The following MAN1A1 variants were observed in gnomAD, a reference collection of about 807,000 sequenced individuals.
MAN1A1 encodes the protein mannosyl-oligosaccharide 1,2-alpha-mannosidase IA.
A neutral mutation model predicts 70.8 loss-of-function variants in MAN1A1; 29 were observed. The observed-to-expected ratio is 0.41, with a 90% CI of 0.31 to 0.56. MAN1A1 has a LOEUF of 0.56. MAN1A1 is among the 20% of genes least tolerant of loss of function. The pLI, the probability that MAN1A1 is intolerant of heterozygous loss-of-function variation, is 0.29. For synonymous variants in MAN1A1, 349 were observed against 330.1 expected (o/e 1.06, Z -0.62); for missense variants, 747 against 841.3 (o/e 0.89, Z 1.39).
chr6:119,233,784 T>C (rs1396230626), intron 6 of MAN1A1, among the ~76,000 whole-genome samples: 1 of 152,210 alleles, frequency 6.6e-6, no homozygotes, highest in African/African-American at 2.4e-5. Context: ...CAATAAGAAG[T>C]TGGCAATGGG....
chr6:119,193,713 C>T, intron 9 of MAN1A1, 64 bp downstream of exon 9: 2 of 1,128,320 alleles, frequency 1.8e-6, no homozygotes, highest in Non-Finnish European at 2.6e-6. Context: ...TTCATTAAAA[C>T]TTGATTAATA....
intron 5 of MAN1A1, among the ~76,000 whole-genome samples, chr6:119,268,086 G>C (rs1258065884): frequency 1.3e-5 from 2 of 152,304 alleles, no homozygotes; most frequent in East Asian, 3.9e-4. Context: ...GCAGCTGTTG[G>C]TGACCATGGT....
intron 5 of MAN1A1, among the ~76,000 whole-genome samples, chr6:119,265,085 T>G (rs1775715145): frequency 7.2e-6 from 1 of 138,310 alleles, no homozygotes; most frequent in Non-Finnish European, 1.5e-5. Context: ...TGGACTTCTT[T>G]TAAGTGCCTT....
At chr6:119,273,617 T>C (rs939248769) in intron 5 of MAN1A1, among the ~76,000 whole-genome samples, 4 of 152,210 alleles carry the variant, frequency 2.6e-5, no homozygotes, top group Admixed American at 6.5e-5. Flanking sequence ...TTGGATAGAT[T>C]CCCCAATGCA....
At chr6:119,312,684 A>C in intron 2 of MAN1A1, among the ~76,000 whole-genome samples, 1 of 152,182 alleles carries the variant, frequency 6.6e-6, no homozygotes, top group East Asian at 1.9e-4. Context: ...ACAGTGGATA[A>C]GCCTGAGGCC....
chr6:119,198,376 C>T (rs1020212922), intron 8 of MAN1A1, among the ~76,000 whole-genome samples: 3 of 151,382 alleles, frequency 2.0e-5, no homozygotes, highest in Non-Finnish European at 4.4e-5. Flanking sequence ...GGTGACAGAG[C>T]GAGACTCCCA....
chr6:119,248,378 TA>T, intron 5 of MAN1A1, 24 bp from the exon 6 acceptor site: 2 of 1,275,428 alleles, frequency 1.6e-6, no homozygotes, highest in Non-Finnish European at 2.3e-6. Context: ...CAGTTAACTG[TA>T]AGCTACTGTT....
intron 5 of MAN1A1, among the ~76,000 whole-genome samples, chr6:119,258,760 T>C (rs1555683): frequency 0.74 from 112,615 of 152,028 alleles, 42,179 homozygotes; most frequent in Non-Finnish European, 0.81. Context: ...TTTAAAGACA[T>C]GTTTATCTTT....
At chr6:119,198,067 G>T (rs1192220258) in intron 8 of MAN1A1, among the ~76,000 whole-genome samples, 1 of 152,190 alleles carries the variant, frequency 6.6e-6, no homozygotes, top group Admixed American at 6.5e-5. Context: ...TGCTTTTAGA[G>T]AATCACATCC....
At chr6:119,331,974 A>G (rs770263185) in intron 2 of MAN1A1, 1 of 510,134 alleles carries the variant, frequency 2.0e-6, no homozygotes, top group Non-Finnish European at 3.9e-6. Flanking sequence ...GACCCTGGGC[A>G]ATTTGCTTGC....
At chr6:119,301,022 A>C (rs1474551314) in intron 4 of MAN1A1, among the ~76,000 whole-genome samples, 1 of 152,244 alleles carries the variant, frequency 6.6e-6, no homozygotes, top group Non-Finnish European at 1.5e-5. Flanking sequence ...AGAGAACAAG[A>C]GTGCCACAAA....
intron 5 of MAN1A1, among the ~76,000 whole-genome samples, chr6:119,262,376 T>C (rs1775634955): frequency 6.6e-6 from 1 of 152,014 alleles, no homozygotes; most frequent in Non-Finnish European, 1.5e-5. Context: ...ACAATTCTGG[T>C]AAAGGTCAAC....
At chr6:119,289,536 A>C (rs1012457224) in intron 5 of MAN1A1, among the ~76,000 whole-genome samples, 1 of 150,152 alleles carries the variant, frequency 6.7e-6, no homozygotes, top group African/African-American at 2.5e-5. Flanking sequence ...AAACAGAAAA[A>C]AGGGAGGAAG....
intron 9 of MAN1A1, 43 bp from the exon 10 acceptor site, chr6:119,189,926 C>T (rs1294438098): frequency 1.4e-6 from 2 of 1,385,922 alleles, no homozygotes; most frequent in Admixed American, 3.6e-5. Flanking sequence ...AATCTCTTCT[C>T]AAATTTATAC....
At chr6:119,267,775 T>C (rs538083953) in intron 5 of MAN1A1, among the ~76,000 whole-genome samples, 56 of 152,336 alleles carry the variant, frequency 3.7e-4, no homozygotes, top group Admixed American at 2.4e-3. Context: ...TTAGACACTA[T>C]AGACAGTCAT....
At chr6:119,310,139 T>C (rs891077739) in intron 2 of MAN1A1, among the ~76,000 whole-genome samples, 1 of 152,244 alleles carries the variant, frequency 6.6e-6, no homozygotes, top group Non-Finnish European at 1.5e-5. Flanking sequence ...AAATTAAGTT[T>C]AATGTCCTGA....
At chr6:119,306,579 T>C (rs1772530571) in intron 3 of MAN1A1, among the ~76,000 whole-genome samples, 3 of 152,186 alleles carry the variant, frequency 2.0e-5, no homozygotes, top group Non-Finnish European at 4.4e-5. Flanking sequence ...AGTGCTTCTA[T>C]GCTAGGAATC....
At chr6:119,336,338 G>A (rs1773449970) in intron 2 of MAN1A1, among the ~76,000 whole-genome samples, 1 of 152,162 alleles carries the variant, frequency 6.6e-6, no homozygotes, top group Admixed American at 6.5e-5. Context: ...AAAGTGCTGG[G>A]ATTACAGGTG....
intron 6 of MAN1A1, among the ~76,000 whole-genome samples, chr6:119,237,354 A>C (rs1052805591): frequency 6.6e-6 from 1 of 152,166 alleles, no homozygotes; most frequent in Non-Finnish European, 1.5e-5. Context: ...AGTAAACTTC[A>C]TTATTGGCTA....
Sources: allele counts gnomAD v4.1 joint callset (sites outside exome capture counted in the v4.1 genomes callset), GRCh38; gene constraint gnomAD v4.1.1; transcripts MANE v1.5; gene names NCBI Gene and HGNC (gene_info 2026-07-23, HGNC 2026-07-21).